ADAMTS20: variants seen among roughly 807,000 people sequenced by gnomAD.
The protein encoded by ADAMTS20 is A disintegrin and metalloproteinase with thrombospondin motifs 20.
ADAMTS20 carries 225 observed loss-of-function variants against 260.1 expected under a neutral mutation model. The ratio of observed to expected loss-of-function variants is 0.87; its 90% confidence interval spans 0.78 to 0.97. ADAMTS20 has a LOEUF of 0.97. ADAMTS20 is among the 50% of genes least tolerant of loss of function. The pLI, the probability that ADAMTS20 is intolerant of heterozygous loss-of-function variation, is 0.00. For synonymous variants in ADAMTS20, 802 were observed against 769.5 expected (o/e 1.04, Z -0.70); for missense variants, 2,400 against 2,337.7 (o/e 1.03, Z -0.55).
chr12:43,353,331 C>T (rs1439047533), downstream of ADAMTS20, among the ~76,000 whole-genome samples: 1 of 151,562 alleles, frequency 6.6e-6, no homozygotes, highest in Non-Finnish European at 1.5e-5. Context: ...ATAAGATCTT[C>T]AAAATTAAAA....
intron 36 of ADAMTS20, among the ~76,000 whole-genome samples, chr12:43,371,532 G>T (rs1371314089): frequency 6.6e-6 from 1 of 152,194 alleles, no homozygotes; most frequent in Non-Finnish European, 1.5e-5. Context: ...GGGAGGAAGA[G>T]AATTTAGTGG....
In ADAMTS20 at chr12:43,443,886, G is replaced by A; in HGVS notation, c.2198-3C>T. On this transcript the variant is annotated splice_region_variant and splice_polypyrimidine_tract_variant and intron_variant, in intron 15 of 38. Coordinates refer to ENST00000389420, the MANE Select transcript of ADAMTS20 (RefSeq NM_025003.5). Reference sequence around the variant, plus strand: ...AATCTTTACAACAACATTATAACCTGCAATATAATTTTACATATGTTAAAT... The same window carrying A: ...AATCTTTACAACAACATTATAACCTACAATATAATTTTACATATGTTAAAT... The A allele has an allele frequency of 6.2e-7, 1 of 1,609,934 alleles. No homozygotes were observed. Among genetic ancestry groups the A allele is most frequent in the South Asian group, 1.1e-5 (1 of 90,810 alleles).
At chr12:43,429,472 CCT>C in intron 24 of ADAMTS20, 143 bp downstream of exon 24, 1 of 561,802 alleles carries the variant, frequency 1.8e-6, no homozygotes, top group Non-Finnish European at 3.0e-6. Flanking sequence ...GCCATTAATT[CCT>C]AATTCTAAAC....
At chr12:43,477,053 TAAAA>T (rs75788250) in intron 7 of ADAMTS20, among the ~76,000 whole-genome samples, 1,596 of 118,074 alleles carry the variant, frequency 0.014, 13 homozygotes, top group South Asian at 0.026. Context: ...GACCTCTAAA[TAAAA>T]AAAAAAAAAA....
chr12:43,385,891 A>G (rs1940461893), intron 29 of ADAMTS20, among the ~76,000 whole-genome samples: 1 of 152,142 alleles, frequency 6.6e-6, no homozygotes, highest in South Asian at 2.1e-4. Context: ...GGGAGGGTTT[A>G]TGCGTCCTGG....
chr12:43,439,909 TTC>T lies in ADAMTS20; in HGVS notation c.2449_2450del (p.Glu817ThrfsTer10). The T allele has an allele frequency of 6.2e-7, 1 of 1,604,864 alleles. No homozygotes were observed. The highest frequency in any genetic ancestry group is 8.5e-7 in the Non-Finnish European group (1 of 1,175,552). The stretch of plus-strand genomic sequence containing the variant: ...ACTGAGAATTTACCTGCAAAATAAG[TTC>T]TTTCTCTTGTCGATTAGTACTATTA... ...RINSTNRQEK[E>X]LILQVLCVGN... On this transcript the variant is annotated frameshift_variant, in exon 17 of 39. Transcript: ENST00000389420. LOFTEE classifies it high-confidence loss of function.
At chr12:43,535,670 G>T (rs540235020) in intron 2 of ADAMTS20, among the ~76,000 whole-genome samples, 5 of 151,906 alleles carry the variant, frequency 3.3e-5, no homozygotes, top group Non-Finnish European at 7.4e-5. Context: ...ATTATTTAAG[G>T]TGCTAATAAA....
chr12:43,524,277 C>A (rs1418204364), intron 3 of ADAMTS20, among the ~76,000 whole-genome samples: 1 of 66,074 alleles, frequency 1.5e-5, no homozygotes, highest in Non-Finnish European at 3.1e-5. Context: ...CTGAAAGCAA[C>A]GAGAGCCTAA....
intron 2 of ADAMTS20, among the ~76,000 whole-genome samples, chr12:43,535,970 T>C (rs867216471): frequency 6.6e-6 from 1 of 152,110 alleles, no homozygotes; most frequent in Admixed American, 6.5e-5. Context: ...GGTCAATTTA[T>C]GTAGATAGAT....
intron 7 of ADAMTS20, among the ~76,000 whole-genome samples, chr12:43,489,875 T>C (rs1277435239): frequency 6.6e-6 from 1 of 152,000 alleles, no homozygotes; most frequent in Admixed American, 6.5e-5. Flanking sequence ...AATTCAAAAA[T>C]AAGCAAAAGT....
intron 3 of ADAMTS20, among the ~76,000 whole-genome samples, chr12:43,513,859 A>G (rs562606157): frequency 3.4e-5 from 5 of 149,130 alleles, no homozygotes; most frequent in Non-Finnish European, 7.4e-5. Flanking sequence ...GGAATTGAAC[A>G]ATGAGAACAC....
At chr12:43,381,547 C>T (rs1295103587) in intron 31 of ADAMTS20, among the ~76,000 whole-genome samples, 2 of 150,142 alleles carry the variant, frequency 1.3e-5, no homozygotes, top group Admixed American at 6.6e-5. Context: ...TTTTGGAGGT[C>T]CAGGAGGGAT....
At chr12:43,496,480 A>C (rs1282967992) in intron 4 of ADAMTS20, among the ~76,000 whole-genome samples, 1 of 152,216 alleles carries the variant, frequency 6.6e-6, no homozygotes, top group African/African-American at 2.4e-5. Context: ...ACCCTGCTGC[A>C]ACACATCCCC....
intron 2 of ADAMTS20, among the ~76,000 whole-genome samples, chr12:43,548,595 A>G (rs1349489731): frequency 6.6e-6 from 1 of 152,178 alleles, no homozygotes; most frequent in Non-Finnish European, 1.5e-5. Context: ...AGAAATAAAT[A>G]TATATAATCA....
chr12:43,533,315 G>A (rs1758110540), intron 2 of ADAMTS20, among the ~76,000 whole-genome samples: 2 of 151,576 alleles, frequency 1.3e-5, no homozygotes, highest in Non-Finnish European at 2.9e-5. Flanking sequence ...GTGATGATGA[G>A]CATTTCTTCA....
chr12:43,389,625 G>A (rs1940555270), intron 29 of ADAMTS20, among the ~76,000 whole-genome samples: 1 of 152,114 alleles, frequency 6.6e-6, no homozygotes, highest in African/African-American at 2.4e-5. Flanking sequence ...TGGCTATAGT[G>A]GTCTGGGGTC....
Position 43,493,123 on chromosome 12 carries a change from A to G in ADAMTS20, c.951+47T>C, listed in dbSNP as rs747748402. The G allele has an allele frequency of 5.5e-5, 72 of 1,311,990 alleles. 2 individuals are homozygous for G. In the South Asian group the frequency reaches 9.2e-4, roughly 17 times the overall value. 81.3% of individuals were successfully genotyped at this position (1,311,990 alleles called of 1,614,324 possible). ...TCCATAATCTCTACGTATTGTCACTAAAAACTTACTACAACTAAGGTTACT... is the reference window on the plus strand; with the variant it reads ...TCCATAATCTCTACGTATTGTCACTGAAAACTTACTACAACTAAGGTTACT... On this transcript the variant is annotated intron_variant, in intron 5 of 38. Coordinates refer to ENST00000389420, the MANE Select transcript of ADAMTS20 (RefSeq NM_025003.5).
chr12:43,420,501 T>C (rs1941205506), intron 28 of ADAMTS20, among the ~76,000 whole-genome samples: 1 of 152,142 alleles, frequency 6.6e-6, no homozygotes, highest in Non-Finnish European at 1.5e-5. Flanking sequence ...AAGAAAACAA[T>C]TACTATGTTT....
intron 18 of ADAMTS20, among the ~76,000 whole-genome samples, chr12:43,438,292 C>T (rs1341325713): frequency 2.0e-5 from 3 of 152,130 alleles, no homozygotes; most frequent in East Asian, 3.9e-4. Flanking sequence ...CTCCTTCTAG[C>T]TCCTTATATC....
Sources: allele counts gnomAD v4.1 joint callset (sites outside exome capture counted in the v4.1 genomes callset), GRCh38; gene constraint gnomAD v4.1.1; transcripts MANE v1.5; gene names NCBI Gene and HGNC (gene_info 2026-07-23, HGNC 2026-07-21).